Variants in SEMA3C observed in about 807,000 individuals in gnomAD.
SEMA3C encodes the protein semaphorin 3C, also known as semaphorin-3C.
In SEMA3C, 47 loss-of-function variants were observed where a neutral mutation model predicts 89.4. That is an observed-to-expected ratio of 0.53 (90% CI 0.42 to 0.67). The LOEUF (loss-of-function observed/expected upper bound fraction) is 0.67. SEMA3C is among the 30% of genes least tolerant of loss of function. The probability of loss-of-function intolerance (pLI) is 0.00; values close to 1 mark genes in which losing one functional copy is unlikely to be tolerated. For missense variants in SEMA3C, 839 were observed against 929.1 expected, an observed-to-expected ratio of 0.90 and a Z score of 1.26; for synonymous variants, 310 against 320.2, an observed-to-expected ratio of 0.97 and a Z score of 0.34.
At chr7:80,776,875 C>T (rs1788560746) in intron 12 of SEMA3C, among the ~76,000 whole-genome samples, 2 of 152,044 alleles carry the variant, frequency 1.3e-5, no homozygotes, top group African/African-American at 2.4e-5. Context: ...GTTTTGTTCA[C>T]TGCTTATTTC....
intron 11 of SEMA3C, among the ~76,000 whole-genome samples, chr7:80,797,013 T>C (rs1789081616): frequency 6.6e-6 from 1 of 152,156 alleles, no homozygotes; most frequent in African/African-American, 2.4e-5. Context: ...GTAAAAATTA[T>C]ATGGGATAAT....
At chr7:80,807,826 GA>G (rs1350841129) in intron 6 of SEMA3C, among the ~76,000 whole-genome samples, 69 of 152,104 alleles carry the variant, frequency 4.5e-4, no homozygotes, top group African/African-American at 1.6e-3. Context: ...CGCTTGAATG[GA>G]AATGATAAAG....
chr7:80,895,728 G>A (rs967615155), intron 2 of SEMA3C, among the ~76,000 whole-genome samples: 7 of 151,980 alleles, frequency 4.6e-5, no homozygotes, highest in Non-Finnish European at 8.8e-5. Flanking sequence ...ATAATGAGGA[G>A]AATGCCTTAA....
chr7:80,750,481 C>T (rs1301299131), intron 16 of SEMA3C, among the ~76,000 whole-genome samples: 61 of 130,682 alleles, frequency 4.7e-4, no homozygotes, highest in Non-Finnish European at 5.2e-4. Flanking sequence ...TATACACACA[C>T]ACACACACAC....
At chr7:80,917,076 G>A (rs564381660) in intron 1 of SEMA3C, among the ~76,000 whole-genome samples, 2 of 152,290 alleles carry the variant, frequency 1.3e-5, no homozygotes, top group South Asian at 4.2e-4. Context: ...ACAGAACAAA[G>A]CAGTGAAGAA....
chr7:80,861,073 A>G (rs1790759787), intron 2 of SEMA3C, among the ~76,000 whole-genome samples: 2 of 152,112 alleles, frequency 1.3e-5, no homozygotes, highest in African/African-American at 4.8e-5. Flanking sequence ...GAACATACCA[A>G]TATGAACATT....
intron 2 of SEMA3C, among the ~76,000 whole-genome samples, chr7:80,832,865 T>G (rs117701474): frequency 0.023 from 3,489 of 152,298 alleles, 89 homozygotes; most frequent in Admixed American, 0.073. Flanking sequence ...AATTGAGGTT[T>G]TCTTTTTCTG....
intron 17 of SEMA3C, 93 bp from the exon 18 acceptor site, chr7:80,745,400 ATTTGGG>A: frequency 2.3e-6 from 3 of 1,301,990 alleles, no homozygotes; most frequent in Admixed American, 2.3e-5. Flanking sequence ...ACTTTCACAG[ATTTGGG>A]AAAAAAGTAT....
chr7:80,844,592 C>G (rs1790345333), intron 2 of SEMA3C, among the ~76,000 whole-genome samples: 1 of 152,038 alleles, frequency 6.6e-6, no homozygotes. Flanking sequence ...CAGAGCAGTT[C>G]CAGGTACATT....
chr7:80,833,743 A>T (rs545824145), intron 2 of SEMA3C, among the ~76,000 whole-genome samples: 1 of 152,228 alleles, frequency 6.6e-6, no homozygotes, highest in Admixed American at 6.5e-5. Context: ...TCATAATTGA[A>T]CTATACGACT....
At chr7:80,807,995 C>A (rs2115700921) in intron 6 of SEMA3C, among the ~76,000 whole-genome samples, 1 of 152,196 alleles carries the variant, frequency 6.6e-6, no homozygotes, top group Non-Finnish European at 1.5e-5. Context: ...TAGTGACTTT[C>A]ATTTGATTAC....
Position 80,758,445 on chromosome 7 carries a change from G to C in SEMA3C, c.1529C>G (p.Ser510Cys). ...VSSNEGVSQV[S>C]LHRCHIYGTA... ...ACCATAGATGTGGCAGCGGTGCAGAGATACCTGGGAAACCCCTTCATTGGA... is the reference window on the plus strand; with the variant it reads ...ACCATAGATGTGGCAGCGGTGCAGACATACCTGGGAAACCCCTTCATTGGA... The change falls in exon 15 of 18, where the codon TCT (serine) becomes TGT (cysteine). Residue 510 changes from serine (S) to cysteine (C), a missense_variant. Physicochemically the swap from Ser to Cys is moderately radical, Grantham distance 112 (BLOSUM62 -1). Transcript: ENST00000265361. The C allele has an allele frequency of 6.2e-7, 1 of 1,613,986 alleles. No homozygotes were observed. The highest frequency in any genetic ancestry group is 8.5e-7 in the Non-Finnish European group (1 of 1,179,918).
At chr7:80,747,335 TTCAAACATATGTATTTATTTTAAA>T (rs1157088965) in intron 17 of SEMA3C, among the ~76,000 whole-genome samples, 1 of 152,146 alleles carries the variant, frequency 6.6e-6, no homozygotes, top group East Asian at 1.9e-4. Flanking sequence ...ATGGCAGATA[TTCAAACATATGTATTTATTTTAAA>T]TCATAGATGT....
At chr7:80,875,246 T>G (rs1249559298) in intron 2 of SEMA3C, among the ~76,000 whole-genome samples, 1 of 152,188 alleles carries the variant, frequency 6.6e-6, no homozygotes, top group Non-Finnish European at 1.5e-5. Context: ...TGCTTGTCCC[T>G]GCATACAAAA....
chr7:80,754,471 A>C (rs1227414652), intron 15 of SEMA3C, among the ~76,000 whole-genome samples: 2 of 152,244 alleles, frequency 1.3e-5, no homozygotes, highest in Admixed American at 1.3e-4. Context: ...TACTAAAGAA[A>C]ATAAATGTGG....
chr7:80,905,174 C>CTTT (rs1562979079), intron 2 of SEMA3C, among the ~76,000 whole-genome samples: 27 of 139,774 alleles, frequency 1.9e-4, no homozygotes, highest in African/African-American at 7.5e-4. Flanking sequence ...CAATTATGGC[C>CTTT]ATTTTTTTTT....
chr7:80,910,898 A>G (rs528474523), intron 2 of SEMA3C, among the ~76,000 whole-genome samples: 1 of 152,254 alleles, frequency 6.6e-6, no homozygotes, highest in Non-Finnish European at 1.5e-5. Context: ...TAGTGAATTT[A>G]TGGAGATACA....
intron 11 of SEMA3C, among the ~76,000 whole-genome samples, chr7:80,797,193 T>C (rs1200267768): frequency 6.6e-6 from 1 of 152,126 alleles, no homozygotes; most frequent in Admixed American, 6.5e-5. Flanking sequence ...ATATTTCTCT[T>C]AATGTTCAAT....
chr7:80,916,592 TTTATACTC>T, intron 2 of SEMA3C, 79 bp downstream of exon 2: 1 of 1,234,612 alleles, frequency 8.1e-7, no homozygotes, highest in East Asian at 2.6e-5. Flanking sequence ...TCCAGTAATA[TTTATACTC>T]TTAATTTCTG....
Sources: allele counts gnomAD v4.1 joint callset (sites outside exome capture counted in the v4.1 genomes callset), GRCh38; gene constraint gnomAD v4.1.1; transcripts MANE v1.5; gene names NCBI Gene and HGNC (gene_info 2026-07-23, HGNC 2026-07-21).